FANCB: variants seen among roughly 807,000 people sequenced by gnomAD.
FANCB encodes FA complementation group B, also known as Fanconi anemia group B protein.
A neutral mutation model predicts 38.9 loss-of-function variants in FANCB; 5 were observed. That is an observed-to-expected ratio of 0.13 (90% CI 0.07 to 0.27). The LOEUF is 0.27. Among genes scored for constraint, FANCB ranks in the 10% least tolerant of loss-of-function variants. The pLI is 1.00. For synonymous variants in FANCB, 236 were observed against 215.4 expected, an observed-to-expected ratio of 1.10 and a Z score of -0.84; for missense variants, 573 against 602.7, an observed-to-expected ratio of 0.95 and a Z score of 0.52.
At chrX:14,701,919 A>G in the FANCB span, among the ~76,000 whole-genome samples, 1 of 112,120 alleles carries the variant, frequency 8.9e-6, no homozygotes, top group Non-Finnish European at 1.9e-5. Context: ...AGGCTCAGAC[A>G]AATATTTCAG....
chrX:14,791,365 G>T, the FANCB span, among the ~76,000 whole-genome samples: 1 of 111,498 alleles, frequency 9.0e-6, no homozygotes, highest in Non-Finnish European at 1.9e-5. Flanking sequence ...ACAACCCAAG[G>T]AACTAGAAAT....
At chrX:14,695,017 A>G in the FANCB span, among the ~76,000 whole-genome samples, 1 of 112,152 alleles carries the variant, frequency 8.9e-6, no homozygotes, top group African/African-American at 3.2e-5. Flanking sequence ...AGACATCTCG[A>G]TAGAGTTGGC....
rs777646355 is a variant in FANCB at position 14,865,358 on chromosome X, G to A, written c.153C>T (p.Asp51=). ...TCTGAACAAATACTTTTGTTCCTCT[G>A]TCAAATACCATTCTTCTGACATGTA... ...PILHVRRMVF[D]RGTKVFVQKS... Residue 51 remains aspartate (D), a synonymous_variant, in exon 3 of 10, where the codon GAC becomes GAT. Transcript: ENST00000650831. The A allele has an allele frequency of 5.8e-6, 7 of 1,202,618 alleles. No homozygotes were observed. In the South Asian group the frequency reaches 1.1e-4, roughly 19 times the overall value.
the FANCB span, among the ~76,000 whole-genome samples, chrX:14,764,855 A>G: frequency 8.9e-6 from 1 of 111,958 alleles, no homozygotes; most frequent in Non-Finnish European, 1.9e-5. Context: ...CCTATTTGTC[A>G]CTAGTTCTCA....
At chrX:14,819,637 T>G in the FANCB span, among the ~76,000 whole-genome samples, 405 of 111,953 alleles carry the variant, frequency 3.6e-3, 1 homozygote, top group Non-Finnish European at 5.6e-3. Flanking sequence ...TCTACACATA[T>G]TTTATAGGAA....
the FANCB span, among the ~76,000 whole-genome samples, chrX:14,794,119 A>G: frequency 1.3e-4 from 14 of 111,660 alleles, no homozygotes; most frequent in African/African-American, 3.6e-4. Context: ...ATACTTTTAC[A>G]TACAGCTAGG....
chrX:14,707,885 A>C, the FANCB span, among the ~76,000 whole-genome samples: 349 of 110,660 alleles, frequency 3.2e-3, 1 homozygote, highest in African/African-American at 0.01. Context: ...CGACTTGATG[A>C]TTTGATATAT....
At chrX:14,847,009 A>G (rs1193803921) in intron 7 of FANCB, among the ~76,000 whole-genome samples, 2 of 110,467 alleles carry the variant, frequency 1.8e-5, no homozygotes, top group East Asian at 2.8e-4. Context: ...GGGTAATTAT[A>G]TAAGTTCTTA....
the FANCB span, among the ~76,000 whole-genome samples, chrX:14,725,087 A>C: frequency 8.9e-6 from 1 of 111,968 alleles, no homozygotes; most frequent in Non-Finnish European, 1.9e-5. Flanking sequence ...TAACTATAGG[A>C]AGCCACATAA....
chrX:14,709,808 G>A, the FANCB span, among the ~76,000 whole-genome samples: 1 of 112,029 alleles, frequency 8.9e-6, no homozygotes. Context: ...CAATAGGAAA[G>A]TGCCTCCTGA....
the FANCB span, among the ~76,000 whole-genome samples, chrX:14,717,313 T>G: frequency 2.8e-5 from 3 of 105,553 alleles, no homozygotes; most frequent in Non-Finnish European, 3.9e-5. Flanking sequence ...ACTCTTCTTT[T>G]ATCCTTCTGC....
At position 14,845,346 on chromosome X, in the gene FANCB, G is replaced by A. The variant is rs146561204; in HGVS notation, c.1497-60C>T. On this transcript the variant is annotated intron_variant, in intron 7 of 9. Transcript: ENST00000650831. ...GCTCATTCTTTAAAATCAAATTGAT[G>A]ATTAAATGTCATACAAACAACAGTA... 4,686 of 856,928 alleles carry A rather than the reference G, an allele frequency of 5.5e-3. 137 individuals carry two copies. In the African/African-American group the frequency reaches 0.081, roughly 15 times the overall value. The allele number at this position is 856,928 out of a possible 1,213,427, so 70.6% of individuals were successfully genotyped here.
At chrX:14,828,717 T>TTTG in the FANCB span, among the ~76,000 whole-genome samples, 15 of 111,185 alleles carry the variant, frequency 1.3e-4, no homozygotes, top group African/African-American at 4.9e-4. Context: ...AAAGTTTATT[T>TTTG]TTGTTGTTGT....
chrX:14,836,267 G>C (rs974958839), intron 10 of FANCB: 1 of 112,020 alleles, frequency 8.9e-6, no homozygotes, highest in Non-Finnish European at 1.9e-5. Flanking sequence ...TGGTGGAAGA[G>C]AGAGAGGAAA....
At chrX:14,774,258 TAAC>T in the FANCB span, among the ~76,000 whole-genome samples, 1 of 111,655 alleles carries the variant, frequency 9.0e-6, no homozygotes, top group East Asian at 2.8e-4. Flanking sequence ...GCCTGAAGAA[TAAC>T]AAAAGTAATG....
the FANCB span, among the ~76,000 whole-genome samples, chrX:14,758,904 A>G: frequency 9.2e-6 from 1 of 109,214 alleles, no homozygotes; most frequent in African/African-American, 3.4e-5. Context: ...AAAAGAATTC[A>G]GAAGATTGAT....
the FANCB span, among the ~76,000 whole-genome samples, chrX:14,794,169 A>G: frequency 4.5e-5 from 5 of 111,644 alleles, no homozygotes; most frequent in Non-Finnish European, 9.4e-5. Context: ...GCCCCAGCCA[A>G]GGCAGTAGAT....
chrX:14,738,340 G>A, the FANCB span, among the ~76,000 whole-genome samples: 2 of 112,001 alleles, frequency 1.8e-5, no homozygotes, highest in Non-Finnish European at 3.8e-5. Context: ...TAGTATTTCA[G>A]GGAAAATAGT....
At chrX:14,832,385 T>C (rs1231795809), downstream of FANCB, among the ~76,000 whole-genome samples, 3 of 111,659 alleles carry the variant, frequency 2.7e-5, no homozygotes, top group Admixed American at 9.5e-5. Context: ...CAGCCCACCC[T>C]ACTCCAGTAT....
Sources: allele counts gnomAD v4.1 joint callset (sites outside exome capture counted in the v4.1 genomes callset), GRCh38; gene constraint gnomAD v4.1.1; transcripts MANE v1.5; gene names NCBI Gene and HGNC (gene_info 2026-07-23, HGNC 2026-07-21).